The following CNTN3 variants were observed in gnomAD, a reference collection of about 807,000 sequenced individuals.
CNTN3 encodes the protein contactin-3.
CNTN3 carries 60 observed loss-of-function variants against 119.1 expected under a neutral mutation model. That is an observed-to-expected ratio of 0.50 (90% CI 0.41 to 0.62). The LOEUF (loss-of-function observed/expected upper bound fraction) is 0.62, where lower values mean the gene tolerates loss of function less well. CNTN3 is among the 20% of genes least tolerant of loss of function. The probability of loss-of-function intolerance (pLI) is 0.00; values close to 1 mark genes in which losing one functional copy is unlikely to be tolerated. For missense variants in CNTN3, 1,101 were observed against 1,242.4 expected (o/e 0.89, Z 1.71); for synonymous variants, 450 against 438.7 (o/e 1.03, Z -0.32).
intron 3 of CNTN3, among the ~76,000 whole-genome samples, chr3:74,489,487 C>T (rs9830820): frequency 0.45 from 67,515 of 150,160 alleles, 15,955 homozygotes; most frequent in Middle Eastern, 0.53. Flanking sequence ...TCCCTTCTTC[C>T]CAATCAGTAA....
chr3:74,303,964 G>C (rs554817977), intron 13 of CNTN3, among the ~76,000 whole-genome samples: 10 of 152,248 alleles, frequency 6.6e-5, no homozygotes, highest in Non-Finnish European at 1.2e-4. Context: ...CTGGTAAAGA[G>C]AAAGAAGCAA....
intron 5 of CNTN3, among the ~76,000 whole-genome samples, chr3:74,384,138 TTTTC>T (rs1193505061): frequency 2.0e-5 from 3 of 152,218 alleles, no homozygotes; most frequent in Non-Finnish European, 2.9e-5. Flanking sequence ...ACTTAAATAA[TTTTC>T]TTTCTGTTTA....
intron 2 of CNTN3, among the ~76,000 whole-genome samples, chr3:74,501,507 A>G (rs1703165864): frequency 1.3e-5 from 2 of 152,060 alleles, no homozygotes; most frequent in Admixed American, 1.3e-4. Flanking sequence ...CTTTCCCTGT[A>G]AATAACATAA....
rs953011347 is a variant in CNTN3 at position 74,588,832 on chromosome 3, T to C, written c.-81+25559A>G. ...CTACAACTATCTGATCTTTGACAAA[T>C]CTGAGAAAAACAAGCAATGGGGAAA... On this transcript the variant is annotated intron_variant, in intron 1 of 22. Coordinates refer to ENST00000263665, the MANE Select transcript of CNTN3 (RefSeq NM_020872.3). Among the ~76,000 whole-genome samples the C allele has an allele frequency of 3.9e-5, 6 of 152,034 alleles. No homozygotes were observed. In the East Asian group the frequency reaches 7.8e-4, roughly 20 times the overall value.
intron 13 of CNTN3, among the ~76,000 whole-genome samples, chr3:74,319,751 T>G (rs1252174156): frequency 1.3e-5 from 2 of 151,540 alleles, no homozygotes; most frequent in African/African-American, 2.4e-5. Flanking sequence ...GGGAAAAAAT[T>G]TTCGCAACCT....
intron 4 of CNTN3, among the ~76,000 whole-genome samples, chr3:74,454,531 T>C (rs567199770): frequency 6.6e-6 from 1 of 152,258 alleles, no homozygotes; most frequent in East Asian, 1.9e-4. Flanking sequence ...AATATTGTTA[T>C]GTGTGAATTT....
At chr3:74,434,471 C>T (rs1465178172) in intron 4 of CNTN3, among the ~76,000 whole-genome samples, 1 of 152,192 alleles carries the variant, frequency 6.6e-6, no homozygotes, top group Non-Finnish European at 1.5e-5. Context: ...TCATGCCCAA[C>T]TTTTCTGAAC....
intron 4 of CNTN3, among the ~76,000 whole-genome samples, chr3:74,458,513 C>A (rs1702309409): frequency 6.6e-6 from 1 of 152,062 alleles, no homozygotes; most frequent in African/African-American, 2.4e-5. Flanking sequence ...CCCCATTTGT[C>A]TACATATTGT....
intron 1 of CNTN3, among the ~76,000 whole-genome samples, chr3:74,524,697 C>T (rs1367615383): frequency 1.3e-5 from 2 of 151,784 alleles, no homozygotes; most frequent in African/African-American, 4.8e-5. Context: ...CCATGCTGTC[C>T]CAGGACCCCA....
At chr3:74,502,661 T>C (rs1703185976) in intron 2 of CNTN3, among the ~76,000 whole-genome samples, 1 of 152,156 alleles carries the variant, frequency 6.6e-6, no homozygotes, top group African/African-American at 2.4e-5. Context: ...CTGAGCTTCG[T>C]GTCACTTCTG....
intron 13 of CNTN3, among the ~76,000 whole-genome samples, chr3:74,324,793 GA>G (rs201763929): frequency 2.1e-4 from 31 of 149,544 alleles, no homozygotes; most frequent in African/African-American, 6.1e-4. Context: ...ACTCAAAAAT[GA>G]AAAAAAAAAT....
rs60451715 is a variant in CNTN3 at position 74,582,404 on chromosome 3, T to TA, written c.-81+31986dup. Among the ~76,000 whole-genome samples, 547 of 148,906 alleles carry TA rather than the reference T, an allele frequency of 3.7e-3. 5 individuals carry two copies. The highest frequency in any genetic ancestry group is 0.012 in the African/African-American group (468 of 40,152). ...CCGGGCGACAGAGCGAGACTCCGTC[T>TA]AAAAAAAAAAAAATCATTTAAAAAT... is the stretch of plus-strand genomic sequence containing the variant. On this transcript the variant is annotated intron_variant, in intron 1 of 22. Transcript: ENST00000263665.
At chr3:74,559,999 A>G (rs1704129277) in intron 1 of CNTN3, among the ~76,000 whole-genome samples, 1 of 152,198 alleles carries the variant, frequency 6.6e-6, no homozygotes, top group African/African-American at 2.4e-5. Flanking sequence ...ATCCATTCAA[A>G]GAGTGGCAAC....
chr3:74,613,361 C>T (rs1575870372), intron 1 of CNTN3, among the ~76,000 whole-genome samples: 1 of 150,972 alleles, frequency 6.6e-6, no homozygotes, highest in East Asian at 2.0e-4. Flanking sequence ...GGTTTCTGAC[C>T]TCCCTCCTGC....
intron 11 of CNTN3, among the ~76,000 whole-genome samples, chr3:74,338,987 A>G (rs1208774183): frequency 1.3e-5 from 2 of 152,170 alleles, no homozygotes; most frequent in African/African-American, 4.8e-5. Flanking sequence ...ACTTTACTGG[A>G]AAAGATAATC....
intron 16 of CNTN3, among the ~76,000 whole-genome samples, chr3:74,300,157 C>A (rs185523335): frequency 6.6e-6 from 1 of 151,952 alleles, no homozygotes; most frequent in East Asian, 1.9e-4. Context: ...TAAAAAAATT[C>A]AAAATCTCTC....
Position 74,262,779 on chromosome 3 carries a change from A to G in CNTN3, c.*1622T>C, listed in dbSNP as rs1389779355. On this transcript the variant is annotated 3_prime_UTR_variant, in exon 23 of 23. Transcript: ENST00000263665. Reference sequence around the variant, plus strand: ...GAACATATAGGAATTACTAAATAATAAAAAGGTCCAACTTCATTACATGTA... The same window carrying G: ...GAACATATAGGAATTACTAAATAATGAAAAGGTCCAACTTCATTACATGTA... 6.6e-6 allele frequency: 1 copy of G among 152,398 alleles called. No individual in the cohort carries two copies. The highest frequency in any genetic ancestry group is 1.5e-5 in the Non-Finnish European group (1 of 68,012). The allele number at this position is 152,398 out of a possible 1,614,324, so 9.4% of individuals were successfully genotyped here.
At chr3:74,467,292 T>C (rs570904448) in intron 4 of CNTN3, among the ~76,000 whole-genome samples, 1 of 152,212 alleles carries the variant, frequency 6.6e-6, no homozygotes, top group South Asian at 2.1e-4. Context: ...TATGAAAAGA[T>C]GTAGAGGGAA....
chr3:74,301,524 T>A lies in CNTN3; in HGVS notation c.1969A>T (p.Thr657Ser). The change falls in exon 16 of 23, where the codon ACG (threonine) becomes TCG (serine). Residue 657 changes from threonine to serine, a missense_variant. By Grantham distance (58) the Thr-to-Ser change is moderately conservative. Transcript: ENST00000263665. The part of the protein sequence containing the change: ...TTVPEVIDGK[T>S]HTATVVELNP... ...AACTCAACTACAGTGGCTGTGTGCGTCTTCCCATCGATGACCTCAGGCACT... is the reference window on the plus strand; with the variant it reads ...AACTCAACTACAGTGGCTGTGTGCGACTTCCCATCGATGACCTCAGGCACT... The A allele has an allele frequency of 1.2e-6, 2 of 1,614,062 alleles. No individual in the cohort carries two copies. Among genetic ancestry groups the A allele is most frequent in the Non-Finnish European group, 1.7e-6 (2 of 1,179,976 alleles).
Sources: gnomAD v4.1 joint callset for allele counts (sites outside exome capture counted in the v4.1 genomes callset) on GRCh38, gnomAD v4.1.1 for gene constraint, MANE v1.5 for transcripts, NCBI Gene and HGNC (gene_info 2026-07-23, HGNC 2026-07-21) for gene names.